NUTM2G: variants seen among roughly 807,000 people sequenced by gnomAD.
The protein encoded by NUTM2G is family with sequence similarity 22, member G.
A neutral mutation model predicts 44.3 loss-of-function variants in NUTM2G; 29 were observed. The observed-to-expected ratio is 0.66, with a 90% CI of 0.49 to 0.89. NUTM2G has a LOEUF of 0.89. Ranked by LOEUF, NUTM2G falls within the 40% of genes least tolerant of loss-of-function variation. The pLI is 0.00. For missense variants in NUTM2G, 502 were observed against 946.5 expected (o/e 0.53, Z 6.16); for synonymous variants, 205 against 395.9 (o/e 0.52, Z 5.72).
chr9:96,929,121 G>A (rs1214073427), intron 1 of NUTM2G, 81 bp downstream of exon 1: 2 of 1,604,318 alleles, frequency 1.2e-6, no homozygotes, highest in African/African-American at 2.7e-5. Context: ...TGTCCCTGGG[G>A]ACAGCTTATA....
chr9:96,936,349 C>A lies in NUTM2G; in HGVS notation c.843-76C>A, dbSNP rs948495990. ...CCGGAGGCACTCCCTCCCATCCCTGCCCTCGGCTGCTGCCTGGTCCTGGGG... is the reference window on the plus strand; with the variant it reads ...CCGGAGGCACTCCCTCCCATCCCTGACCTCGGCTGCTGCCTGGTCCTGGGG... On this transcript the variant is annotated intron_variant, in intron 3 of 6. Transcript: ENST00000372322. The A allele has an allele frequency of 9.1e-6, 14 of 1,536,810 alleles. No homozygotes were observed. The Admixed American group carries it at 2.0e-4, about 21-fold the overall frequency.
rs548799786 is a variant in NUTM2G, at chr9:96,931,810, C to T, written c.105C>T (p.Pro35=). Residue 35 remains proline (P), a synonymous_variant, in exon 2 of 7, where the codon CCC becomes CCT. Coordinates refer to ENST00000372322, the MANE Select transcript of NUTM2G (RefSeq NM_001170741.3). ...CTCTGCCCTTTGCCACACCCTCTCC[C>T]GGCCCAACACACAGGCCGCCCCTCG... ...FTALPFATPS[P]GPTHRPPLVT... is the part of the protein sequence containing the mutation. 2.1e-5 allele frequency: 34 copies of T among 1,611,952 alleles called. No homozygotes were observed. The highest frequency in any genetic ancestry group is 5.4e-5 in the African/African-American group (4 of 74,632).
downstream of NUTM2G, among the ~76,000 whole-genome samples, chr9:96,940,555 C>G (rs919440542): frequency 3.3e-5 from 5 of 150,740 alleles, no homozygotes; most frequent in African/African-American, 1.2e-4. Flanking sequence ...TCCCTCCTGG[C>G]CAACACCTTC....
In NUTM2G at chr9:96,935,371, C is replaced by G. The variant is rs1199239404; in HGVS notation, c.757C>G (p.Leu253Val). 6.2e-7 allele frequency: 1 copy of G among 1,612,044 alleles called. No homozygotes were observed. Among genetic ancestry groups the G allele is most frequent in the Admixed American group, 1.7e-5 (1 of 60,020 alleles). ...GGCCCGGCGGAAGCCCACCATGACG[C>G]TGGAGGAGGGACTGTGGCGGGCCAT... ...SLARRKPTMT[L>V]EEGLWRAMRE... The change falls in exon 3 of 7, where the codon CTG (leucine) becomes GTG (valine). Residue 253 changes from leucine (L) to valine (V), a missense_variant. Transcript: ENST00000372322.
Position 96,937,350 on chromosome 9 carries a change from G to A in NUTM2G, c.1269G>A (p.Pro423=), listed in dbSNP as rs368543444. Residue 423 remains proline, a synonymous_variant, in exon 5 of 7, where the codon CCG becomes CCA. Coordinates refer to ENST00000372322, the MANE Select transcript of NUTM2G (RefSeq NM_001170741.3). The stretch of plus-strand genomic sequence containing the variant: ...AAGAGGACGGGATGACCTCAGACCC[G>A]GGCCTCCTGAGCTACATTGACAAGC... ...PQEEDGMTSD[P]GLLSYIDKLC... is the part of the protein sequence containing the mutation. 45 of 1,613,802 alleles carry A rather than the reference G, an allele frequency of 2.8e-5. 1 individual carries two copies. Among genetic ancestry groups the A allele is most frequent in the African/African-American group, 2.7e-4 (20 of 74,916 alleles).
chr9:96,940,890 G>A (rs543639336), downstream of NUTM2G, among the ~76,000 whole-genome samples: 4 of 152,370 alleles, frequency 2.6e-5, no homozygotes, highest in Admixed American at 6.5e-5. Context: ...ACCCGCTTTC[G>A]CCTTTGGGAA....
downstream of NUTM2G, among the ~76,000 whole-genome samples, chr9:96,940,830 C>T (rs1161299227): frequency 6.6e-6 from 1 of 152,292 alleles, no homozygotes; most frequent in Non-Finnish European, 1.5e-5. Context: ...AGACAGATGC[C>T]TCTCTGCCCC....
Position 96,931,967 on chromosome 9 carries a change from G to A in NUTM2G, c.262G>A (p.Glu88Lys). 1.2e-6 allele frequency: 2 copies of A among 1,611,798 alleles called. No individual in the cohort carries two copies. The highest frequency in any genetic ancestry group is 1.7e-6 in the Non-Finnish European group (2 of 1,179,826). The change falls in exon 2 of 7, where the codon GAA (glutamate) becomes AAA (lysine). Residue 88 changes from glutamate to lysine, a missense_variant. Coordinates refer to ENST00000372322, the MANE Select transcript of NUTM2G (RefSeq NM_001170741.3). ...ASNVFVQMRT[E>K]VGPVKPPQAQ... ...CAACGTCTTTGTCCAGATGAGGACA[G>A]AAGTGGGGCCTGTGAAGCCCCCTCA... is the stretch of plus-strand genomic sequence containing the variant.
chr9:96,931,855 A>G lies in NUTM2G; in HGVS notation c.150A>G (p.Pro50=). The stretch of plus-strand genomic sequence containing the variant: ...CCCTCGTGACTGCAGTGGTTCCTCC[A>G]GCCGGCCCTCTGGTGCTCTCTGCCT... ...RPPLVTAVVP[P]AGPLVLSAFP... is the part of the protein sequence containing the mutation. The change falls in exon 2 of 7, where the codon CCA becomes CCG. Residue 50 remains proline (P), a synonymous_variant. Coordinates refer to ENST00000372322, the MANE Select transcript of NUTM2G (RefSeq NM_001170741.3). 1 of 1,612,384 alleles carries G rather than the reference A, an allele frequency of 6.2e-7. No homozygotes were observed. Among genetic ancestry groups the G allele is most frequent in the Non-Finnish European group, 8.5e-7 (1 of 1,179,840 alleles).
At chr9:96,938,045 G>A (rs767161171) in intron 6 of NUTM2G, 44 bp downstream of exon 6, 2 of 1,611,240 alleles carry the variant, frequency 1.2e-6, no homozygotes, top group Admixed American at 3.3e-5. Context: ...CCAGGGGCAG[G>A]AGGGACCCGG....
intron 3 of NUTM2G, 144 bp downstream of exon 3, chr9:96,935,600 G>A: frequency 2.0e-6 from 3 of 1,517,014 alleles, no homozygotes; most frequent in Non-Finnish European, 2.7e-6. Flanking sequence ...GGCTCCCTCA[G>A]GAAGCTGCTC....
chr9:96,937,651 C>T (rs1826481862), intron 5 of NUTM2G, among the ~76,000 whole-genome samples: 1 of 151,706 alleles, frequency 6.6e-6, no homozygotes, highest in Admixed American at 6.6e-5. Flanking sequence ...CTGTGTCTGT[C>T]TTTTCCTGTG....
rs1210624570 is a variant in NUTM2G at position 96,930,700 on chromosome 9, C to T, written c.17-1022C>T. On this transcript the variant is annotated intron_variant, in intron 1 of 6. Transcript: ENST00000372322. Reference sequence around the variant, plus strand: ...ATCTGCTCCCTGGGAACTGAGCTTCCTGAGTGGCAGCTGGGACCACTGAGC... The same window carrying T: ...ATCTGCTCCCTGGGAACTGAGCTTCTTGAGTGGCAGCTGGGACCACTGAGC... Among the ~76,000 whole-genome samples, 38 of 147,680 alleles carry T rather than the reference C, an allele frequency of 2.6e-4. 1 individual carries two copies. The highest frequency in any genetic ancestry group is 2.6e-3 in the Admixed American group (38 of 14,812).
rs781768015 is a variant in NUTM2G, at chr9:96,938,914, C to T, written c.1991C>T (p.Pro664Leu). ...GRGPQGALQS[P>L]SAQKRGLSPS... is the part of the protein sequence containing the mutation. ...GGACCCCAGGGAGCTCTTCAATCTC[C>T]ATCTGCTCAGAAAAGAGGCCTCAGC... The change falls in exon 7 of 7, where the codon CCA becomes CTA. Residue 664 changes from proline (P) to leucine (L), a missense_variant. Coordinates refer to ENST00000372322, the MANE Select transcript of NUTM2G (RefSeq NM_001170741.3). The T allele has an allele frequency of 1.9e-6, 3 of 1,587,390 alleles. No homozygotes were observed. The highest frequency in any genetic ancestry group is 2.5e-6 in the Non-Finnish European group (3 of 1,176,582).
Position 96,938,003 on chromosome 9 carries a change from T to G in NUTM2G, c.1440+2T>G, listed in dbSNP as rs772222640. 8.1e-6 allele frequency: 13 copies of G among 1,612,170 alleles called. No homozygotes were observed. The highest frequency in any genetic ancestry group is 5.0e-5 in the Admixed American group (3 of 59,986). On this transcript the variant is annotated splice_donor_variant, in intron 6 of 6. Coordinates refer to ENST00000372322, the MANE Select transcript of NUTM2G (RefSeq NM_001170741.3). LOFTEE classifies it high-confidence loss of function. ...GAGGAAGGACTCACCCTTGCCCAGGTAGAGCAGCAGAGGGAGGGGAACCCA... is the reference window on the plus strand; with the variant it reads ...GAGGAAGGACTCACCCTTGCCCAGGGAGAGCAGCAGAGGGAGGGGAACCCA...
Position 96,937,323 on chromosome 9 carries a change from G to T in NUTM2G, c.1242G>T (p.Gln414His), listed in dbSNP as rs780266308. ...AAAAGGGCAAAGTGGAGCAGCCGCAGGAAGAGGACGGGATGACCTCAGACC... is the reference window on the plus strand; with the variant it reads ...AAAAGGGCAAAGTGGAGCAGCCGCATGAAGAGGACGGGATGACCTCAGACC... ...QREKGKVEQP[Q>H]EEDGMTSDPG... The change falls in exon 5 of 7, where the codon CAG (glutamine) becomes CAT (histidine). Residue 414 changes from glutamine to histidine, a missense_variant. Physicochemically the swap from Gln to His is conservative, Grantham distance 24. Coordinates refer to ENST00000372322, the MANE Select transcript of NUTM2G (RefSeq NM_001170741.3). The T allele has an allele frequency of 9.3e-6, 15 of 1,613,832 alleles. 1 individual carries two copies. In the South Asian group the frequency reaches 1.6e-4, roughly 18 times the overall value.
downstream of NUTM2G, among the ~76,000 whole-genome samples, chr9:96,940,817 G>A (rs553866988): frequency 4.5e-4 from 69 of 152,374 alleles, no homozygotes; most frequent in African/African-American, 1.5e-3. Context: ...ACAGCAGTCA[G>A]CCAGACAGAT....
rs1222548144 is a variant in NUTM2G at position 96,937,237 on chromosome 9, A to G, written c.1156A>G (p.Ile386Val). 1 of 1,613,204 alleles carries G rather than the reference A, an allele frequency of 6.2e-7. No homozygotes were observed. The highest frequency in any genetic ancestry group is 1.3e-5 in the African/African-American group (1 of 74,890). ...PPEVVQEYVDIMEELLGSHPG... is the reference protein window; with the variant it reads ...PPEVVQEYVDVMEELLGSHPG... Reference sequence around the variant, plus strand: ...TGAAGTGGTGCAGGAGTATGTGGACATCATGGAGGAGCTGCTGGGGTCTCA... The same window carrying G: ...TGAAGTGGTGCAGGAGTATGTGGACGTCATGGAGGAGCTGCTGGGGTCTCA... The change falls in exon 5 of 7, where the codon ATC (isoleucine) becomes GTC (valine). Residue 386 changes from isoleucine to valine, a missense_variant. By Grantham distance (29) the Ile-to-Val change is conservative. Transcript: ENST00000372322.
Position 96,934,978 on chromosome 9 carries a change from G to A in NUTM2G, c.714-350G>A, listed in dbSNP as rs543036619. On this transcript the variant is annotated intron_variant, in intron 2 of 6. Transcript: ENST00000372322. ...CTCGGATTCCATGACTGGGACCCAC[G>A]CTCATGACCTGCTCTAACCCTGATT... is the stretch of plus-strand genomic sequence containing the variant. 1.2e-4 allele frequency among the ~76,000 whole-genome samples: 18 copies of A among 152,146 alleles called. No homozygotes were observed. In the East Asian group the frequency reaches 3.5e-3, roughly 29 times the overall value.
Sources: gnomAD v4.1 joint callset for allele counts (sites outside exome capture counted in the v4.1 genomes callset) on GRCh38, gnomAD v4.1.1 for gene constraint, MANE v1.5 for transcripts, NCBI Gene and HGNC (gene_info 2026-07-23, HGNC 2026-07-21) for gene names.